CAMTA1: variants seen among roughly 807,000 people sequenced by gnomAD.
CAMTA1 encodes the protein calmodulin binding transcription activator 1, also known as calmodulin-binding transcription activator 1.
Under a neutral mutation model 170.9 loss-of-function variants are expected in CAMTA1, and 27 were observed. That is an observed-to-expected ratio of 0.16 (90% CI 0.12 to 0.22). The LOEUF is 0.22. Ranked by LOEUF, CAMTA1 falls within the 10% of genes least tolerant of loss-of-function variation. The probability of loss-of-function intolerance (pLI) is 1.00; values close to 1 mark genes in which losing one functional copy is unlikely to be tolerated. For missense variants in CAMTA1, 1,619 were observed against 2,217.2 expected, an observed-to-expected ratio of 0.73 and a Z score of 5.42; for synonymous variants, 833 against 891.5, an observed-to-expected ratio of 0.93 and a Z score of 1.17.
chr1:6,990,388 G>T (rs1696156717), intron 3 of CAMTA1, among the ~76,000 whole-genome samples: 1 of 151,916 alleles, frequency 6.6e-6, no homozygotes, highest in African/African-American at 2.4e-5. Context: ...TGCTATATTT[G>T]CTTTATCCCA....
At chr1:6,983,799 T>TGATG (rs903373458) in intron 3 of CAMTA1, among the ~76,000 whole-genome samples, 1 of 147,380 alleles carries the variant, frequency 6.8e-6, no homozygotes, top group Non-Finnish European at 1.5e-5. Flanking sequence ...GATAGATGGT[T>TGATG]GATGGATGGA....
chr1:7,046,309 T>G (rs1705367258), intron 3 of CAMTA1, among the ~76,000 whole-genome samples: 1 of 152,192 alleles, frequency 6.6e-6, no homozygotes, highest in African/African-American at 2.4e-5. Context: ...CCTCCCACAT[T>G]TTTCTGGCTG....
chr1:7,215,160 T>A (rs1328542081), intron 4 of CAMTA1, among the ~76,000 whole-genome samples: 1 of 101,370 alleles, frequency 9.9e-6, no homozygotes, highest in Non-Finnish European at 2.3e-5. Flanking sequence ...GTGATTATCC[T>A]ATTTTTTAAA....
At chr1:7,576,524 G>A (rs1427008214) in intron 6 of CAMTA1, among the ~76,000 whole-genome samples, 7 of 152,210 alleles carry the variant, frequency 4.6e-5, no homozygotes, top group African/African-American at 9.7e-5. Flanking sequence ...ACGCAAGCAA[G>A]AAGGCACTGT....
chr1:7,272,664 G>A (rs1398815670), intron 5 of CAMTA1, among the ~76,000 whole-genome samples: 1 of 37,430 alleles, frequency 2.7e-5, no homozygotes, highest in Non-Finnish European at 6.5e-5. Context: ...TTTTCAGAAA[G>A]GTTCTGGGGC....
At chr1:7,076,165 A>T (rs1286299434) in intron 3 of CAMTA1, among the ~76,000 whole-genome samples, 1 of 152,188 alleles carries the variant, frequency 6.6e-6, no homozygotes, top group Non-Finnish European at 1.5e-5. Flanking sequence ...CTGGCTGCAG[A>T]TCTGCTGGGA....
chr1:7,553,540 G>T (rs2094836253), intron 6 of CAMTA1, among the ~76,000 whole-genome samples: 3 of 152,234 alleles, frequency 2.0e-5, no homozygotes, highest in Admixed American at 1.3e-4. Context: ...GAAGCTCAGG[G>T]TTCTGTCCCT....
At chr1:7,713,155 T>G (rs1019441009) in intron 11 of CAMTA1, among the ~76,000 whole-genome samples, 1 of 152,194 alleles carries the variant, frequency 6.6e-6, no homozygotes, top group East Asian at 1.9e-4. Context: ...GGGAGTCTCC[T>G]GAGATGGGAG....
chr1:6,790,357 TGA>T (rs554353934), intron 1 of CAMTA1, among the ~76,000 whole-genome samples: 2,745 of 145,070 alleles, frequency 0.019, 79 homozygotes, highest in African/African-American at 0.059. Flanking sequence ...GTGCAGAGTG[TGA>T]GAGAGAGAGA....
chr1:7,410,205 A>G (rs2090611554), intron 5 of CAMTA1, among the ~76,000 whole-genome samples: 2 of 152,128 alleles, frequency 1.3e-5, no homozygotes, highest in Non-Finnish European at 1.5e-5. Flanking sequence ...TAGATTGGGC[A>G]TTTTTCACTG....
chr1:7,657,019 G>A (rs1420648800), intron 7 of CAMTA1, among the ~76,000 whole-genome samples: 2 of 152,204 alleles, frequency 1.3e-5, no homozygotes, highest in East Asian at 1.9e-4. Context: ...AGCCCTGTCC[G>A]CGAGAATGCA....
chr1:7,034,178 GA>G (rs1703224842), intron 3 of CAMTA1, among the ~76,000 whole-genome samples: 1 of 151,878 alleles, frequency 6.6e-6, no homozygotes, highest in Middle Eastern at 3.4e-3. Flanking sequence ...GTTTGTTTGA[GA>G]CAGAGTCTCG....
chr1:7,263,040 A>G (rs1668399578), intron 5 of CAMTA1, among the ~76,000 whole-genome samples: 1 of 152,202 alleles, frequency 6.6e-6, no homozygotes, highest in African/African-American at 2.4e-5. Flanking sequence ...ACTTTCAGAC[A>G]TGATATGAAA....
In CAMTA1 at chr1:7,041,209, C is replaced by T. The variant is rs1014941010; in HGVS notation, c.235-50095C>T. ...TTCATTTTCTACACGAGGCCCCACA[C>T]GGCCCCGGAGCTGGAGCTTCTACCG... On this transcript the variant is annotated intron_variant, in intron 3 of 22. Coordinates refer to ENST00000303635, the MANE Select transcript of CAMTA1 (RefSeq NM_015215.4). This position sits in a 1 kb window ranked among gnomAD's most constrained non-coding sequence, Gnocchi z 5.1. Among the ~76,000 whole-genome samples the T allele has an allele frequency of 1.3e-5, 2 of 152,238 alleles. No individual in the cohort carries two copies. The highest frequency in any genetic ancestry group is 2.1e-4 in the South Asian group (1 of 4,834).
chr1:7,477,258 TG>T (rs2093435637), intron 6 of CAMTA1, among the ~76,000 whole-genome samples: 1 of 152,022 alleles, frequency 6.6e-6, no homozygotes, highest in Non-Finnish European at 1.5e-5. Context: ...CTCCTGCAGC[TG>T]GGGAGGGGCG....
rs1013323768 is a variant in CAMTA1 at position 7,173,029 on chromosome 1, C to T, written c.303-76462C>T. Among the ~76,000 whole-genome samples the T allele has an allele frequency of 5.9e-5, 9 of 152,172 alleles. No homozygotes were observed. Among genetic ancestry groups the T allele is most frequent in the Non-Finnish European group, 4.4e-5 (3 of 68,030 alleles). On this transcript the variant is annotated intron_variant, in intron 4 of 22. Transcript: ENST00000303635. This position sits in a 1 kb window ranked among gnomAD's most constrained non-coding sequence, Gnocchi z 5.4. ...TGTGTCCATCCATCCCGTGCTGGAG[C>T]GTGGCTGGGGACAGGCTGTGCGGGA...
chr1:7,559,699 C>T (rs1447873603), intron 6 of CAMTA1, among the ~76,000 whole-genome samples: 3 of 152,254 alleles, frequency 2.0e-5, no homozygotes, highest in Admixed American at 2.0e-4. Context: ...ACACACGGCT[C>T]CTTGGGGTCC....
chr1:7,026,133 A>G (rs1052669162), intron 3 of CAMTA1, among the ~76,000 whole-genome samples: 1 of 151,798 alleles, frequency 6.6e-6, no homozygotes, highest in Admixed American at 6.6e-5. Flanking sequence ...AAAAAAAAAA[A>G]GAAACAAAAA....
intron 3 of CAMTA1, among the ~76,000 whole-genome samples, chr1:6,828,827 C>T (rs1343091642): frequency 1.3e-5 from 2 of 150,454 alleles, no homozygotes; most frequent in African/African-American, 2.5e-5. Context: ...CTATTGTTTA[C>T]TCTATAGGAG....
Sources: gnomAD v4.1 joint callset for allele counts (sites outside exome capture counted in the v4.1 genomes callset) on GRCh38, gnomAD v4.1.1 for gene constraint, Gnocchi (gnomAD v3.1) non-coding constraint, MANE v1.5 for transcripts, NCBI Gene and HGNC (gene_info 2026-07-23, HGNC 2026-07-21) for gene names.